Variants in BARX2 observed in about 807,000 individuals in gnomAD.
The protein encoded by BARX2 is homeobox protein BarH-like 2.
BARX2 carries 11 observed loss-of-function variants against 25.5 expected under a neutral mutation model. The observed-to-expected ratio is 0.43, with a 90% CI of 0.27 to 0.71. The LOEUF (loss-of-function observed/expected upper bound fraction) is 0.71, where lower values mean the gene tolerates loss of function less well. Ranked by LOEUF, BARX2 falls within the 30% of genes least tolerant of loss-of-function variation. The probability of loss-of-function intolerance (pLI) is 0.19; values close to 1 mark genes in which losing one functional copy is unlikely to be tolerated. For synonymous variants in BARX2, 137 were observed against 149.5 expected, an observed-to-expected ratio of 0.92 and a Z score of 0.61; for missense variants, 360 against 359.9, an observed-to-expected ratio of 1.00 and a Z score of 0.00.
chr11:129,405,610 T>C (rs1027983593), intron 1 of BARX2, among the ~76,000 whole-genome samples: 1 of 152,206 alleles, frequency 6.6e-6, no homozygotes, highest in Non-Finnish European at 1.5e-5. Flanking sequence ...AGATAAAATG[T>C]GATTGTTTGG....
intron 1 of BARX2, among the ~76,000 whole-genome samples, chr11:129,435,565 G>T (rs1350098957): frequency 6.6e-6 from 1 of 152,168 alleles, no homozygotes; most frequent in African/African-American, 2.4e-5. Context: ...ACTTTTCAGG[G>T]CTGGACTGAG....
At chr11:129,398,043 A>G (rs372780129) in intron 1 of BARX2, among the ~76,000 whole-genome samples, 28 of 152,344 alleles carry the variant, frequency 1.8e-4, no homozygotes, top group East Asian at 1.7e-3. Context: ...GTAGTAGGCT[A>G]TTACTGATAA....
chr11:129,436,584 G>T lies in BARX2; in HGVS notation c.188-167G>T. The T allele has an allele frequency of 1.4e-6, 1 of 716,864 alleles. No homozygotes were observed. Among genetic ancestry groups the T allele is most frequent in the Non-Finnish European group, 2.3e-6 (1 of 442,452 alleles). The allele number at this position is 716,864 out of a possible 1,614,324, so 44.4% of individuals were successfully genotyped here. A position where few individuals can be genotyped will look rare whatever the true frequency, so the allele number is the denominator to read the frequency against. The stretch of plus-strand genomic sequence containing the variant: ...CAGAGCAGACCTCTGTGCCTGCCCT[G>T]CAGCTGTAGGTCTTGAGTTACCTCT... On this transcript the variant is annotated intron_variant, in intron 1 of 3. Transcript: ENST00000281437. The surrounding 1 kb of genome is among the most constrained non-coding windows in gnomAD (Gnocchi z 4.5).
intron 1 of BARX2, among the ~76,000 whole-genome samples, chr11:129,382,958 G>A (rs1205240955): frequency 1.3e-5 from 2 of 152,188 alleles, no homozygotes; most frequent in African/African-American, 4.8e-5. Flanking sequence ...CTGCCTGTCG[G>A]TGCCTGCCTC....
At chr11:129,441,002 G>A (rs187368670) in intron 2 of BARX2, among the ~76,000 whole-genome samples, 8 of 152,370 alleles carry the variant, frequency 5.3e-5, no homozygotes, top group Admixed American at 3.3e-4. Flanking sequence ...CAGGGCTGGC[G>A]TGGCAGTGAG....
At chr11:129,435,492 G>A (rs543148280) in intron 1 of BARX2, among the ~76,000 whole-genome samples, 11 of 152,304 alleles carry the variant, frequency 7.2e-5, no homozygotes, top group South Asian at 2.1e-4. Context: ...GATGTTAGTC[G>A]GTTTCAACTC....
At chr11:129,416,060 A>G (rs930377294) in intron 1 of BARX2, among the ~76,000 whole-genome samples, 2 of 152,198 alleles carry the variant, frequency 1.3e-5, no homozygotes, top group Non-Finnish European at 2.9e-5. Flanking sequence ...TTTTATAGGA[A>G]AGGTTGGATT....
In BARX2 at chr11:129,452,121, T is replaced by A. The variant is rs1363687614; in HGVS notation, c.*719T>A. 6.6e-6 allele frequency: 1 copy of A among 152,130 alleles called. No individual in the cohort carries two copies. The highest frequency in any genetic ancestry group is 1.5e-5 in the Non-Finnish European group (1 of 68,018). 9.4% of individuals were successfully genotyped at this position (152,130 alleles called of 1,614,324 possible). On this transcript the variant is annotated 3_prime_UTR_variant, in exon 4 of 4. Coordinates refer to ENST00000281437, the MANE Select transcript of BARX2 (RefSeq NM_003658.5). Reference sequence around the variant, plus strand: ...GAACCCTAAGCTTGTGGGAGTTATTTCTATCCTACTGCTCAAGGTCATCAC... The same window carrying A: ...GAACCCTAAGCTTGTGGGAGTTATTACTATCCTACTGCTCAAGGTCATCAC...
chr11:129,440,524 G>A (rs952694446), intron 2 of BARX2, among the ~76,000 whole-genome samples: 2 of 152,228 alleles, frequency 1.3e-5, no homozygotes, highest in African/African-American at 4.8e-5. Flanking sequence ...TGTGGGAAGA[G>A]CCAAGTGCTG....
intron 2 of BARX2, among the ~76,000 whole-genome samples, chr11:129,440,746 T>G (rs56709695): frequency 6.6e-6 from 1 of 151,734 alleles, no homozygotes; most frequent in Admixed American, 6.6e-5. Context: ...GCACCTGAGA[T>G]CATCAGGGCC....
At chr11:129,420,017 G>T (rs1346408538) in intron 1 of BARX2, among the ~76,000 whole-genome samples, 2 of 151,996 alleles carry the variant, frequency 1.3e-5, no homozygotes, top group African/African-American at 4.8e-5. Flanking sequence ...CTGACCTCAG[G>T]TGATCCGCCT....
intron 1 of BARX2, among the ~76,000 whole-genome samples, chr11:129,386,598 G>T (rs74447366): frequency 0.021 from 3,147 of 152,292 alleles, 113 homozygotes; most frequent in African/African-American, 0.071. Context: ...CAATCAGTGG[G>T]CATCCTATTG....
intron 1 of BARX2, among the ~76,000 whole-genome samples, chr11:129,425,033 C>T (rs1481148388): frequency 6.6e-6 from 1 of 152,200 alleles, no homozygotes; most frequent in Non-Finnish European, 1.5e-5. Context: ...TATCCCCCAA[C>T]AAGCTTGTAG....
At chr11:129,393,520 C>CT (rs752633695) in intron 1 of BARX2, among the ~76,000 whole-genome samples, 744 of 142,178 alleles carry the variant, frequency 5.2e-3, no homozygotes, top group African/African-American at 0.014. Context: ...TTAGGATATC[C>CT]TTTTTTTTTT....
intron 1 of BARX2, among the ~76,000 whole-genome samples, chr11:129,424,047 A>T (rs1862038042): frequency 6.6e-6 from 1 of 152,004 alleles, no homozygotes; most frequent in Non-Finnish European, 1.5e-5. Context: ...ACAGGGTTTC[A>T]CTATATTGGT....
At chr11:129,418,767 G>A (rs1861971628) in intron 1 of BARX2, among the ~76,000 whole-genome samples, 1 of 152,120 alleles carries the variant, frequency 6.6e-6, no homozygotes, top group African/African-American at 2.4e-5. Flanking sequence ...GCCTGGCATA[G>A]CTCATTATTA....
At position 129,436,766 on chromosome 11, in the gene BARX2, G is replaced by A. The variant is rs750583127; in HGVS notation, c.203G>A (p.Arg68Gln). 58 of 1,583,998 alleles carry A rather than the reference G, an allele frequency of 3.7e-5. No individual in the cohort carries two copies. Among genetic ancestry groups the A allele is most frequent in the South Asian group, 3.2e-4 (28 of 88,540 alleles). The change falls in exon 2 of 4, where the codon CGG (arginine) becomes CAG (glutamine). Residue 68 changes from arginine (R) to glutamine (Q), a missense_variant. By Grantham distance (43) the Arg-to-Gln change is conservative (BLOSUM62 1). Coordinates refer to ENST00000281437, the MANE Select transcript of BARX2 (RefSeq NM_003658.5). This position sits in a 1 kb window ranked among gnomAD's most constrained non-coding sequence, Gnocchi z 4.5. ...TGTTTTCCAGGCTCCCCTTCCCTGC[G>A]GGCATATCCGCTCCTCTCGGTGATC... Reference protein sequence around the residue: ...LHSCTGSPSLRAYPLLSVITR... With the variant: ...LHSCTGSPSLQAYPLLSVITR...
chr11:129,447,573 A>G (rs1479165927), intron 3 of BARX2, among the ~76,000 whole-genome samples: 1 of 152,230 alleles, frequency 6.6e-6, no homozygotes, highest in East Asian at 1.9e-4. Context: ...GCAAGGGGCC[A>G]GAGGTTGAGT....
chr11:129,422,377 C>T (rs1359888082), intron 1 of BARX2, among the ~76,000 whole-genome samples: 2 of 147,716 alleles, frequency 1.4e-5, no homozygotes, highest in Non-Finnish European at 3.0e-5. Context: ...TAGCTCACTG[C>T]CTCCTCCAAC....
Sources: allele counts gnomAD v4.1 joint callset (sites outside exome capture counted in the v4.1 genomes callset), GRCh38; gene constraint gnomAD v4.1.1; non-coding constraint Gnocchi (gnomAD v3.1); transcripts MANE v1.5; gene names NCBI Gene and HGNC (gene_info 2026-07-23, HGNC 2026-07-21).